The following MTCL1 variants were observed in gnomAD, a reference collection of about 807,000 sequenced individuals.
The protein encoded by MTCL1 is microtubule cross-linking factor 1.
In MTCL1, 79 loss-of-function variants were observed where a neutral mutation model predicts 141.4. The observed-to-expected ratio is 0.56, with a 90% CI of 0.47 to 0.67. The LOEUF (loss-of-function observed/expected upper bound fraction) is 0.67. Among genes scored for constraint, MTCL1 ranks in the 30% least tolerant of loss-of-function variants. The pLI is 0.00. For synonymous variants in MTCL1, 914 were observed against 875.8 expected (o/e 1.04, Z -0.77); for missense variants, 2,177 against 2,113.9 (o/e 1.03, Z -0.59).
intron 10 of MTCL1, among the ~76,000 whole-genome samples, chr18:8,804,253 ATTTTTTT>A (rs576046249): frequency 1.0e-4 from 14 of 135,914 alleles, no homozygotes; most frequent in African/African-American, 2.4e-4. Context: ...TAATTTTTAG[ATTTTTTT>A]TTTTTTTTTT....
At chr18:8,719,223 C>T (rs11081407) in intron 3 of MTCL1, among the ~76,000 whole-genome samples, 35,301 of 152,028 alleles carry the variant, frequency 0.23, 5,205 homozygotes, top group Admixed American at 0.39. Flanking sequence ...CCGTGGGCAG[C>T]GAGGCCCTCA....
chr18:8,787,043 G>A (rs541842391), intron 7 of MTCL1: 1 of 154,152 alleles, frequency 6.5e-6, no homozygotes, highest in South Asian at 2.0e-4. Flanking sequence ...ACACATAGCT[G>A]TGTGCAGTTA....
chr18:8,797,191 G>A (rs566890), intron 9 of MTCL1, among the ~76,000 whole-genome samples: 1 of 152,044 alleles, frequency 6.6e-6, no homozygotes, highest in African/African-American at 2.4e-5. Context: ...CCTTGCTGGT[G>A]TGTAAAAGCT....
intron 4 of MTCL1, among the ~76,000 whole-genome samples, chr18:8,769,881 C>A (rs2096477707): frequency 1.3e-5 from 2 of 152,238 alleles, no homozygotes; most frequent in South Asian, 4.1e-4. Context: ...ATAAGGAATT[C>A]TGCTGTCTGC....
chr18:8,819,024 A>C lies in MTCL1; in HGVS notation c.2921A>C (p.Asn974Thr), dbSNP rs752186407. 3 of 1,614,274 alleles carry C rather than the reference A, an allele frequency of 1.9e-6. No homozygotes were observed. The East Asian group carries it at 6.7e-5, about 36-fold the overall frequency. Residue 974 changes from asparagine (N) to threonine (T), a missense_variant, in exon 13 of 17, where the codon AAC becomes ACC. Transcript: ENST00000359865. ...TTCCTCTGTGATCAAAAAGACGGCAACGTTCGCCCCTTTCCCCACCAGGGA... is the reference window on the plus strand; with the variant it reads ...TTCCTCTGTGATCAAAAAGACGGCACCGTTCGCCCCTTTCCCCACCAGGGA...
At chr18:8,753,045 G>A (rs140253889) in intron 4 of MTCL1, among the ~76,000 whole-genome samples, 5 of 152,314 alleles carry the variant, frequency 3.3e-5, no homozygotes, top group African/African-American at 1.2e-4. Flanking sequence ...TATAAGACCA[G>A]GTGGCCTCAA....
chr18:8,772,093 G>A (rs1165653263), intron 4 of MTCL1, among the ~76,000 whole-genome samples: 2 of 152,254 alleles, frequency 1.3e-5, no homozygotes, highest in African/African-American at 2.4e-5. Context: ...AGGAGCCTGC[G>A]TGGCTCTGTG....
At chr18:8,760,488 C>T (rs934275055) in intron 4 of MTCL1, among the ~76,000 whole-genome samples, 4 of 152,184 alleles carry the variant, frequency 2.6e-5, no homozygotes, top group East Asian at 1.9e-4. Context: ...GTCATCTCAG[C>T]GGGGTGGCCC....
chr18:8,780,881 A>G (rs1475300052), intron 5 of MTCL1, among the ~76,000 whole-genome samples: 3 of 152,200 alleles, frequency 2.0e-5, no homozygotes, highest in Non-Finnish European at 2.9e-5. Flanking sequence ...AGAATGAATG[A>G]ACAAGGCCAG....
At chr18:8,763,508 A>G (rs1467798286) in intron 4 of MTCL1, among the ~76,000 whole-genome samples, 3 of 152,094 alleles carry the variant, frequency 2.0e-5, no homozygotes, top group Non-Finnish European at 4.4e-5. Context: ...CTTGTGTCAC[A>G]CTCTTATCAG....
chr18:8,780,667 G>A (rs1170721335), intron 5 of MTCL1, among the ~76,000 whole-genome samples: 4 of 152,212 alleles, frequency 2.6e-5, no homozygotes, highest in Admixed American at 2.6e-4. Context: ...TCCATTGATA[G>A]ATATTTTAGC....
At chr18:8,755,373 A>G (rs2096391935) in intron 4 of MTCL1, among the ~76,000 whole-genome samples, 1 of 152,184 alleles carries the variant, frequency 6.6e-6, no homozygotes, top group Non-Finnish European at 1.5e-5. Context: ...TCTCCTCAAC[A>G]GGTTGGAGTT....
At chr18:8,774,969 G>GGGTA (rs1333066007) in intron 4 of MTCL1, among the ~76,000 whole-genome samples, 1 of 152,104 alleles carries the variant, frequency 6.6e-6, no homozygotes, top group East Asian at 1.9e-4. Context: ...GGGACACATG[G>GGGTA]GGTAGGGGTG....
chr18:8,786,514 A>C (rs1040933906), intron 7 of MTCL1: 1 of 370,042 alleles, frequency 2.7e-6, no homozygotes, highest in Non-Finnish European at 5.4e-6. Flanking sequence ...GTCTCATGTG[A>C]CCATCCCACG....
chr18:8,750,555 G>T (rs748100008), intron 4 of MTCL1, among the ~76,000 whole-genome samples: 1 of 152,204 alleles, frequency 6.6e-6, no homozygotes, highest in Admixed American at 6.5e-5. Context: ...AGGAAGGAAG[G>T]AAGTTTCTAT....
At chr18:8,756,447 A>G (rs528743080) in intron 4 of MTCL1, among the ~76,000 whole-genome samples, 1 of 143,226 alleles carries the variant, frequency 7.0e-6, no homozygotes, top group African/African-American at 2.9e-5. Context: ...ATATATGTGT[A>G]TATATGTGTA....
Position 8,807,061 on chromosome 18 carries a change from G to C in MTCL1, c.2604+1G>C. Reference sequence around the variant, plus strand: ...CGTGCTCAAGTGCCGTCTGGAACAGGTACCACCCTCCCAGGTCTCCCTCGA... The same window carrying C: ...CGTGCTCAAGTGCCGTCTGGAACAGCTACCACCCTCCCAGGTCTCCCTCGA... On this transcript the variant is annotated splice_donor_variant, in intron 11 of 16. Coordinates refer to ENST00000359865, the Ensembl canonical transcript of MTCL1. LOFTEE classifies it high-confidence loss of function. 12 of 1,611,660 alleles carry C rather than the reference G, an allele frequency of 7.4e-6. No homozygotes were observed. The highest frequency in any genetic ancestry group is 1.1e-5 in the South Asian group (1 of 90,676).
At chr18:8,785,369 C>T (rs1279244025) in intron 6 of MTCL1, among the ~76,000 whole-genome samples, 1 of 152,224 alleles carries the variant, frequency 6.6e-6, no homozygotes, top group Admixed American at 6.5e-5. Flanking sequence ...GGAGGATCAG[C>T]CAAAGCGGGC....
At position 8,828,912 on chromosome 18, in the gene MTCL1, A is replaced by T. The variant is rs1208366399; in HGVS notation, c.4727A>T (p.Gln1576Leu). The change falls in exon 16 of 17, where the codon CAA becomes CTA. Residue 1576 changes from glutamine to leucine, a missense_variant. Gln to Leu is a moderately radical substitution (Grantham distance 113). Coordinates refer to ENST00000359865, the Ensembl canonical transcript of MTCL1. The surrounding 1 kb of genome is among the most constrained non-coding windows in gnomAD (Gnocchi z 5.2). The stretch of plus-strand genomic sequence containing the variant: ...TTCTCTGTCTGTTCTGTCCAGAACC[A>T]AACTGTCTTGCTAACTGCCCCCTGG... 1 of 1,614,104 alleles carries T rather than the reference A, an allele frequency of 6.2e-7. No homozygotes were observed. The highest frequency in any genetic ancestry group is 1.7e-5 in the Admixed American group (1 of 60,010).
Sources: gnomAD v4.1 joint callset for allele counts (sites outside exome capture counted in the v4.1 genomes callset) on GRCh38, gnomAD v4.1.1 for gene constraint, Gnocchi (gnomAD v3.1) non-coding constraint, MANE v1.5 for transcripts, NCBI Gene and HGNC (gene_info 2026-07-23, HGNC 2026-07-21) for gene names.